The following ASAP1 variants were observed in gnomAD, a reference collection of about 807,000 sequenced individuals.
ASAP1 encodes the protein ArfGAP with SH3 domain, ankyrin repeat and PH domain 1, also known as arf-GAP with SH3 domain, ANK repeat and PH domain-containing protein 1.
A neutral mutation model predicts 145.2 loss-of-function variants in ASAP1; 43 were observed. The observed-to-expected ratio is 0.30, with a 90% CI of 0.23 to 0.38. The LOEUF is 0.38. Ranked by LOEUF, ASAP1 falls within the 10% of genes least tolerant of loss-of-function variation. The pLI, the probability that ASAP1 is intolerant of heterozygous loss-of-function variation, is 1.00. For missense variants in ASAP1, 1,018 were observed against 1,355.3 expected (o/e 0.75, Z 3.91); for synonymous variants, 546 against 515.5 (o/e 1.06, Z -0.80).
intron 24 of ASAP1, among the ~76,000 whole-genome samples, chr8:130,104,879 G>C (rs1372282220): frequency 1.3e-5 from 2 of 152,050 alleles, no homozygotes; most frequent in Middle Eastern, 3.2e-3. Context: ...AAAAGACCTA[G>C]AAGATGGCTT....
intron 4 of ASAP1, among the ~76,000 whole-genome samples, chr8:130,228,159 G>C (rs1817694267): frequency 6.6e-6 from 1 of 152,092 alleles, no homozygotes; most frequent in South Asian, 2.1e-4. Flanking sequence ...AGAAACGAAG[G>C]ACTTGTTAAG....
chr8:130,432,829 A>G (rs1830183173), intron 1 of ASAP1, among the ~76,000 whole-genome samples: 1 of 152,186 alleles, frequency 6.6e-6, no homozygotes, highest in Non-Finnish European at 1.5e-5. Context: ...GAGCTCTGTC[A>G]GTTGCCCACA....
At chr8:130,255,155 A>G (rs1819430558) in intron 3 of ASAP1, among the ~76,000 whole-genome samples, 1 of 152,180 alleles carries the variant, frequency 6.6e-6, no homozygotes, top group Admixed American at 6.5e-5. Flanking sequence ...AAGCAAATAA[A>G]AATATATATA....
chr8:130,303,869 CA>C (rs1015182017), intron 3 of ASAP1, among the ~76,000 whole-genome samples: 3 of 152,104 alleles, frequency 2.0e-5, no homozygotes, highest in African/African-American at 4.8e-5. Context: ...GCACATTTGT[CA>C]AATCCCTAGA....
intron 24 of ASAP1, among the ~76,000 whole-genome samples, chr8:130,110,339 C>T (rs80046180): frequency 0.059 from 9,034 of 152,226 alleles, 337 homozygotes; most frequent in Non-Finnish European, 0.081. Context: ...GTCCCCACTG[C>T]TATGTTGGTA....
chr8:130,396,950 G>C (rs929934035), intron 2 of ASAP1, among the ~76,000 whole-genome samples: 1 of 152,170 alleles, frequency 6.6e-6, no homozygotes, highest in African/African-American at 2.4e-5. Flanking sequence ...TCTACTGCTG[G>C]CTCAGAATTC....
intron 2 of ASAP1, among the ~76,000 whole-genome samples, chr8:130,382,143 G>A (rs1178453869): frequency 6.6e-6 from 1 of 151,870 alleles, no homozygotes; most frequent in Non-Finnish European, 1.5e-5. Context: ...AAAATTAGCT[G>A]GGCGTGGTGG....
At chr8:130,126,235 G>A in intron 16 of ASAP1, 146 bp from the exon 17 acceptor site, 1 of 763,186 alleles carries the variant, frequency 1.3e-6, no homozygotes, top group South Asian at 2.3e-5. Flanking sequence ...TTGAGGTTTA[G>A]CCTAGGGGCT....
At chr8:130,099,014 T>A (rs1452685371) in intron 24 of ASAP1, among the ~76,000 whole-genome samples, 74 of 145,354 alleles carry the variant, frequency 5.1e-4, no homozygotes, top group African/African-American at 1.8e-3. Flanking sequence ...AATATAAGCT[T>A]TTTTTTTTTT....
At chr8:130,274,605 C>T (rs1311333802) in intron 3 of ASAP1, among the ~76,000 whole-genome samples, 1 of 152,206 alleles carries the variant, frequency 6.6e-6, no homozygotes, top group Admixed American at 6.5e-5. Context: ...CTATCGCATT[C>T]ATTGTTGAGG....
chr8:130,063,946 G>A (rs561728482), intron 27 of ASAP1, among the ~76,000 whole-genome samples: 3 of 152,150 alleles, frequency 2.0e-5, no homozygotes, highest in Non-Finnish European at 4.4e-5. Flanking sequence ...AGCAGGGGAA[G>A]GGAGAAAAGA....
intron 16 of ASAP1, 98 bp downstream of exon 16, chr8:130,127,829 T>A (rs2097577347): frequency 1.5e-6 from 2 of 1,360,376 alleles, no homozygotes; most frequent in Admixed American, 2.2e-5. Context: ...TGTGAGTGTG[T>A]CCATAGGGGT....
intron 2 of ASAP1, among the ~76,000 whole-genome samples, chr8:130,395,066 T>C (rs1353943941): frequency 6.6e-6 from 1 of 152,122 alleles, no homozygotes; most frequent in East Asian, 1.9e-4. Context: ...GCATTTCCCA[T>C]CAACCAGGGA....
rs1420921120 is a variant in ASAP1, at chr8:130,052,681, C to CACT, written c.*2047_*2049dup. 1 of 149,832 alleles carries CACT rather than the reference C, an allele frequency of 6.7e-6. No individual in the cohort carries two copies. Among genetic ancestry groups the CACT allele is most frequent in the Non-Finnish European group, 1.5e-5 (1 of 67,664 alleles). 9.3% of individuals were successfully genotyped at this position (149,832 alleles called of 1,614,324 possible). A position where few individuals can be genotyped will look rare whatever the true frequency, so the allele number is the denominator to read the frequency against. ...GCTGCAAAAGGGGAAAAAGAATAGACACTAACTCCATGTAATTTTAGACAT... is the reference window on the plus strand; with the variant it reads ...GCTGCAAAAGGGGAAAAAGAATAGACACTACTAACTCCATGTAATTTTAGACAT... On this transcript the variant is annotated 3_prime_UTR_variant, in exon 30 of 30. Coordinates refer to ENST00000518721, the MANE Select transcript of ASAP1 (RefSeq NM_018482.4).
At chr8:130,159,075 G>C (rs1389256172) in intron 12 of ASAP1, among the ~76,000 whole-genome samples, 1 of 152,120 alleles carries the variant, frequency 6.6e-6, no homozygotes, top group Non-Finnish European at 1.5e-5. Flanking sequence ...CTGTGTGAAG[G>C]TGAACTGCAG....
intron 3 of ASAP1, among the ~76,000 whole-genome samples, chr8:130,347,070 C>T (rs1825741052): frequency 6.6e-6 from 1 of 152,190 alleles, no homozygotes; most frequent in African/African-American, 2.4e-5. Context: ...TGTTATTTAA[C>T]ACTGAGGAAA....
intron 13 of ASAP1, among the ~76,000 whole-genome samples, chr8:130,147,161 A>C (rs937525662): frequency 1.4e-5 from 2 of 141,448 alleles, no homozygotes; most frequent in Admixed American, 1.5e-4. Flanking sequence ...CAGGGAGCCA[A>C]GATGGTGCCA....
intron 3 of ASAP1, among the ~76,000 whole-genome samples, chr8:130,327,909 T>C (rs558896354): frequency 2.6e-5 from 4 of 152,212 alleles, no homozygotes; most frequent in Non-Finnish European, 5.9e-5. Context: ...CCAATAAAGC[T>C]ATTTTTTAAA....
chr8:130,173,363 A>G (rs1465566156), intron 9 of ASAP1, among the ~76,000 whole-genome samples: 1 of 152,206 alleles, frequency 6.6e-6, no homozygotes, highest in African/African-American at 2.4e-5. Context: ...AGCTGTGGAC[A>G]GGGTAGACAG....
Sources: allele counts gnomAD v4.1 joint callset (sites outside exome capture counted in the v4.1 genomes callset), GRCh38; gene constraint gnomAD v4.1.1; transcripts MANE v1.5; gene names NCBI Gene and HGNC (gene_info 2026-07-23, HGNC 2026-07-21).